Variants in NOL4 observed in about 807,000 individuals in gnomAD.
The protein encoded by NOL4 is cancer/testis antigen 125.
A neutral mutation model predicts 75.9 loss-of-function variants in NOL4; 17 were observed. That is an observed-to-expected ratio of 0.22 (90% CI 0.15 to 0.34). The LOEUF (loss-of-function observed/expected upper bound fraction) is 0.34. Among genes scored for constraint, NOL4 ranks in the 10% least tolerant of loss-of-function variants. The pLI is 1.00. For synonymous variants in NOL4, 292 were observed against 289.9 expected (o/e 1.01, Z -0.07); for missense variants, 614 against 793.5 (o/e 0.77, Z 2.72).
At chr18:33,893,368 T>C (rs2065210876) in intron 9 of NOL4, among the ~76,000 whole-genome samples, 2 of 152,140 alleles carry the variant, frequency 1.3e-5, no homozygotes, top group Non-Finnish European at 2.9e-5. Context: ...ACTGGACACA[T>C]ACAAAATTTG....
At chr18:34,147,564 G>A (rs921509960) in intron 1 of NOL4, among the ~76,000 whole-genome samples, 4 of 152,132 alleles carry the variant, frequency 2.6e-5, no homozygotes, top group African/African-American at 7.2e-5. Flanking sequence ...CAGGTGTGAA[G>A]GCAACTTGAT....
At chr18:33,997,037 T>C (rs2073340956) in intron 6 of NOL4, among the ~76,000 whole-genome samples, 1 of 151,932 alleles carries the variant, frequency 6.6e-6, no homozygotes, top group South Asian at 2.1e-4. Context: ...ATATATTTTT[T>C]CCAATTCTGT....
chr18:34,047,436 G>A (rs551795690), intron 5 of NOL4, among the ~76,000 whole-genome samples: 47 of 152,000 alleles, frequency 3.1e-4, no homozygotes, highest in African/African-American at 9.2e-4. Context: ...CATGTATCAC[G>A]GATGTAGCCT....
At chr18:34,201,461 T>C (rs1053318610) in intron 1 of NOL4, among the ~76,000 whole-genome samples, 6 of 151,848 alleles carry the variant, frequency 4.0e-5, no homozygotes, top group African/African-American at 1.4e-4. Flanking sequence ...TGGAAATTAA[T>C]GGTAGGAATT....
chr18:33,921,099 T>C (rs2067010900), intron 9 of NOL4, among the ~76,000 whole-genome samples: 2 of 152,198 alleles, frequency 1.3e-5, no homozygotes, highest in African/African-American at 4.8e-5. Flanking sequence ...GAAATGTCCA[T>C]CCTATGTCTG....
At chr18:34,164,485 TG>T (rs1217325015) in intron 1 of NOL4, among the ~76,000 whole-genome samples, 2 of 151,918 alleles carry the variant, frequency 1.3e-5, no homozygotes, top group Non-Finnish European at 1.5e-5. Flanking sequence ...AAAAAACACA[TG>T]AAAAAATGCT....
chr18:33,881,466 A>C (rs886579663), intron 10 of NOL4, among the ~76,000 whole-genome samples: 1 of 151,836 alleles, frequency 6.6e-6, no homozygotes, highest in African/African-American at 2.4e-5. Flanking sequence ...GAATGCTTCC[A>C]GTTTTTGCCC....
At chr18:33,894,552 G>C (rs1217816152) in intron 9 of NOL4, among the ~76,000 whole-genome samples, 1 of 152,090 alleles carries the variant, frequency 6.6e-6, no homozygotes, top group South Asian at 2.1e-4. Flanking sequence ...CCAATGACAA[G>C]CTTTGAAATG....
intron 6 of NOL4, among the ~76,000 whole-genome samples, chr18:33,991,534 T>C (rs1321835797): frequency 2.6e-5 from 4 of 151,918 alleles, no homozygotes; most frequent in Non-Finnish European, 5.9e-5. Flanking sequence ...TACACTGCAT[T>C]TTTTTTACAA....
intron 6 of NOL4, among the ~76,000 whole-genome samples, chr18:33,982,030 A>G (rs2072002939): frequency 6.6e-6 from 1 of 152,092 alleles, no homozygotes; most frequent in Non-Finnish European, 1.5e-5. Flanking sequence ...AGCAAGCACT[A>G]GAAACAGTAA....
At chr18:34,118,068 T>G (rs866640759) in intron 2 of NOL4, among the ~76,000 whole-genome samples, 1 of 152,334 alleles carries the variant, frequency 6.6e-6, no homozygotes, top group South Asian at 2.1e-4. Context: ...TGTGCTCCTT[T>G]TCAGATACTG....
At chr18:33,853,424 GATATCTTAGACCGC>G (rs2062706169) in intron 10 of NOL4, among the ~76,000 whole-genome samples, 2 of 152,154 alleles carry the variant, frequency 1.3e-5, no homozygotes, top group Middle Eastern at 3.4e-3. Context: ...TTCATTAACA[GATATCTTAGACCGC>G]ATCAATTTGC....
intron 9 of NOL4, among the ~76,000 whole-genome samples, chr18:33,927,878 TCACACATGA>T (rs1306979463): frequency 1.3e-5 from 2 of 152,030 alleles, no homozygotes; most frequent in Non-Finnish European, 2.9e-5. Flanking sequence ...ACGAGACATG[TCACACATGA>T]CACACCGCTT....
intron 6 of NOL4, among the ~76,000 whole-genome samples, chr18:33,979,017 ATAAATT>A (rs2145957744): frequency 6.6e-6 from 1 of 152,214 alleles, no homozygotes; most frequent in East Asian, 1.9e-4. Context: ...GATCTGAACT[ATAAATT>A]TAAATTAAAT....
intron 6 of NOL4, among the ~76,000 whole-genome samples, chr18:33,975,046 C>T (rs1415988637): frequency 6.7e-6 from 1 of 149,584 alleles, no homozygotes; most frequent in African/African-American, 2.5e-5. Flanking sequence ...GTTCATTACA[C>T]TATGTTAAAT....
At chr18:34,028,579 G>A (rs1473699685) in intron 5 of NOL4, among the ~76,000 whole-genome samples, 6 of 152,182 alleles carry the variant, frequency 3.9e-5, no homozygotes, top group African/African-American at 1.4e-4. Context: ...AGCCAATGCA[G>A]CCAGACCGGA....
At chr18:34,058,815 GA>G (rs34877445) in intron 5 of NOL4, among the ~76,000 whole-genome samples, 1 of 151,754 alleles carries the variant, frequency 6.6e-6, no homozygotes. Flanking sequence ...ACCATGTTAG[GA>G]AAAAAGGAAA....
chr18:34,163,276 A>C (rs1368591910), intron 1 of NOL4, among the ~76,000 whole-genome samples: 1 of 152,018 alleles, frequency 6.6e-6, no homozygotes, highest in African/African-American at 2.4e-5. Context: ...AAGGGTATTC[A>C]ATTAGGAAAA....
chr18:34,217,691 T>C (rs188230539), intron 1 of NOL4, among the ~76,000 whole-genome samples: 263 of 148,450 alleles, frequency 1.8e-3, no homozygotes, highest in African/African-American at 6.0e-3. Context: ...TTTAAGCAAC[T>C]TTTTTTTTTA....
Sources: gnomAD v4.1 joint callset for allele counts (sites outside exome capture counted in the v4.1 genomes callset) on GRCh38, gnomAD v4.1.1 for gene constraint, MANE v1.5 for transcripts, NCBI Gene and HGNC (gene_info 2026-07-23, HGNC 2026-07-21) for gene names.